The following NKAIN2 variants were observed in gnomAD, a reference collection of about 807,000 sequenced individuals.
NKAIN2 encodes sodium/potassium-transporting ATPase subunit beta-1-interacting protein 2.
NKAIN2 carries 14 observed loss-of-function variants against 32.6 expected under a neutral mutation model. The ratio of observed to expected loss-of-function variants is 0.43; its 90% confidence interval spans 0.28 to 0.67. The LOEUF is 0.67. Among genes scored for constraint, NKAIN2 ranks in the 30% least tolerant of loss-of-function variants. The pLI, the probability that NKAIN2 is intolerant of heterozygous loss-of-function variation, is 0.17. For synonymous variants in NKAIN2, 80 were observed against 87.2 expected, an observed-to-expected ratio of 0.92 and a Z score of 0.46; for missense variants, 198 against 258.3, an observed-to-expected ratio of 0.77 and a Z score of 1.60.
At chr6:124,596,663 G>GGGGT (rs367602258) in intron 3 of NKAIN2, among the ~76,000 whole-genome samples, 108 of 142,602 alleles carry the variant, frequency 7.6e-4, no homozygotes, top group Non-Finnish European at 1.2e-3. Context: ...TAAACCATAG[G>GGGGT]GTGTGTGTGT....
intron 1 of NKAIN2, chr6:124,121,855 T>G (rs767126850): frequency 9.4e-7 from 1 of 1,059,984 alleles, no homozygotes; most frequent in South Asian, 1.5e-5. Flanking sequence ...CATGCCTTAT[T>G]TGTCCCTCTG....
chr6:124,552,403 G>T (rs1442579656), intron 3 of NKAIN2, among the ~76,000 whole-genome samples: 5 of 152,174 alleles, frequency 3.3e-5, no homozygotes, highest in African/African-American at 1.2e-4. Context: ...AGTGAGTGAA[G>T]TTGGAGCAAT....
At chr6:124,018,166 G>A (rs1023470056) in intron 1 of NKAIN2, among the ~76,000 whole-genome samples, 3 of 152,178 alleles carry the variant, frequency 2.0e-5, no homozygotes, top group African/African-American at 7.2e-5. Flanking sequence ...TGAAGCCACT[G>A]CCTGAGCTGT....
At chr6:124,421,903 C>G (rs1054852035) in intron 3 of NKAIN2, among the ~76,000 whole-genome samples, 9 of 152,202 alleles carry the variant, frequency 5.9e-5, no homozygotes, top group Middle Eastern at 3.4e-3. Flanking sequence ...GAGCCCTTCT[C>G]GCATCTGCTG....
chr6:123,824,797 A>G (rs894321502), intron 1 of NKAIN2, among the ~76,000 whole-genome samples: 1 of 151,954 alleles, frequency 6.6e-6, no homozygotes, highest in Non-Finnish European at 1.5e-5. Flanking sequence ...GAAGAGTTTT[A>G]GGTTTAGGAT....
chr6:124,329,257 T>C (rs578068406), intron 2 of NKAIN2, among the ~76,000 whole-genome samples: 1 of 152,310 alleles, frequency 6.6e-6, no homozygotes, highest in South Asian at 2.1e-4. Context: ...CAAAACTTGG[T>C]AAAGAATTAG....
chr6:124,249,018 G>C (rs746319493), intron 1 of NKAIN2, among the ~76,000 whole-genome samples: 17 of 152,136 alleles, frequency 1.1e-4, no homozygotes, highest in Non-Finnish European at 2.2e-4. Context: ...AAGACAAAAT[G>C]AGTTACTAAA....
At chr6:124,712,835 C>T (rs1033046732) in intron 4 of NKAIN2, among the ~76,000 whole-genome samples, 3 of 152,036 alleles carry the variant, frequency 2.0e-5, no homozygotes, top group African/African-American at 7.2e-5. Context: ...TCCCCCTAAA[C>T]TCTAGTTGGT....
At chr6:124,489,338 G>T (rs1467167615) in intron 3 of NKAIN2, among the ~76,000 whole-genome samples, 2 of 151,860 alleles carry the variant, frequency 1.3e-5, no homozygotes, top group Non-Finnish European at 2.9e-5. Context: ...AAGAAAATAT[G>T]AACCTCAAAT....
rs1351613169 is a variant in NKAIN2, at chr6:124,824,929, C to A, written c.*1700C>A. On this transcript the variant is annotated 3_prime_UTR_variant, in exon 7 of 7. Coordinates refer to ENST00000368417, the MANE Select transcript of NKAIN2 (RefSeq NM_001040214.3). ...GAGGAACAAAGAGTTATCATTGGAA[C>A]ATAAACTATAAAAAAAGATTCCAGC... is the stretch of plus-strand genomic sequence containing the variant. 3.3e-5 allele frequency: 5 copies of A among 152,484 alleles called. No homozygotes were observed. Among genetic ancestry groups the A allele is most frequent in the Middle Eastern group, 3.2e-3 (1 of 316 alleles). 9.4% of individuals were successfully genotyped at this position (152,484 alleles called of 1,614,324 possible).
intron 1 of NKAIN2, among the ~76,000 whole-genome samples, chr6:123,897,928 A>G (rs1048770207): frequency 1.3e-5 from 2 of 152,350 alleles, no homozygotes; most frequent in South Asian, 2.1e-4. Context: ...GAGCTTTCAC[A>G]TATGTGCAGA....
At chr6:124,443,510 G>T (rs771113931) in intron 3 of NKAIN2, among the ~76,000 whole-genome samples, 1 of 152,068 alleles carries the variant, frequency 6.6e-6, no homozygotes. Flanking sequence ...GATAACACTT[G>T]TTTGTTTGAG....
At chr6:124,250,989 A>G (rs1462601889) in intron 1 of NKAIN2, among the ~76,000 whole-genome samples, 1 of 151,982 alleles carries the variant, frequency 6.6e-6, no homozygotes, top group African/African-American at 2.4e-5. Context: ...AAACAGCTAA[A>G]GTAATCACTA....
intron 1 of NKAIN2, among the ~76,000 whole-genome samples, chr6:123,912,740 C>A (rs1043273026): frequency 3.3e-5 from 5 of 152,192 alleles, no homozygotes; most frequent in Admixed American, 2.6e-4. Context: ...GATGCTGGCA[C>A]CATGTTTCTT....
intron 5 of NKAIN2, among the ~76,000 whole-genome samples, chr6:124,796,604 C>A (rs1780009332): frequency 6.6e-6 from 1 of 152,136 alleles, no homozygotes. Context: ...CTCACTGCCA[C>A]CAGGCAGGAA....
chr6:124,775,933 C>T (rs901406821), intron 4 of NKAIN2, among the ~76,000 whole-genome samples: 20 of 152,066 alleles, frequency 1.3e-4, no homozygotes, highest in South Asian at 8.3e-4. Flanking sequence ...GGGTCAAGGC[C>T]AAGGGCAGCA....
intron 1 of NKAIN2, among the ~76,000 whole-genome samples, chr6:124,267,684 T>G (rs970579448): frequency 6.6e-6 from 1 of 152,172 alleles, no homozygotes; most frequent in South Asian, 2.1e-4. Context: ...TAATAGTCAG[T>G]CAGTTGATCC....
intron 1 of NKAIN2, among the ~76,000 whole-genome samples, chr6:124,061,016 AGCAT>A (rs1231689447): frequency 5.9e-5 from 9 of 152,322 alleles, no homozygotes; most frequent in African/African-American, 2.2e-4. Flanking sequence ...GAAAGCTTTC[AGCAT>A]GTATAACATG....
chr6:124,561,928 T>G (rs145245870), intron 3 of NKAIN2, among the ~76,000 whole-genome samples: 1 of 152,218 alleles, frequency 6.6e-6, no homozygotes, highest in Non-Finnish European at 1.5e-5. Context: ...TATGGTACCT[T>G]ACATTCAAGT....
Sources: gnomAD v4.1 joint callset for allele counts (sites outside exome capture counted in the v4.1 genomes callset) on GRCh38, gnomAD v4.1.1 for gene constraint, MANE v1.5 for transcripts, NCBI Gene and HGNC (gene_info 2026-07-23, HGNC 2026-07-21) for gene names.